The following NPAS2 variants were observed in gnomAD, a reference collection of about 807,000 sequenced individuals.
The protein encoded by NPAS2 is neuronal PAS domain protein 2.
A neutral mutation model predicts 107.5 loss-of-function variants in NPAS2; 23 were observed. The observed-to-expected ratio is 0.21, with a 90% CI of 0.15 to 0.30. NPAS2 has a LOEUF of 0.30. NPAS2 is among the 10% of genes least tolerant of loss of function. The pLI, the probability that NPAS2 is intolerant of heterozygous loss-of-function variation, is 1.00. For synonymous variants in NPAS2, 403 were observed against 417.5 expected (o/e 0.97, Z 0.42); for missense variants, 756 against 1,043.3 (o/e 0.72, Z 3.79).
chr2:100,847,509 A>G (rs924668392), intron 1 of NPAS2, among the ~76,000 whole-genome samples: 8 of 151,962 alleles, frequency 5.3e-5, no homozygotes, highest in Non-Finnish European at 1.0e-4. Context: ...AGCTGGGACT[A>G]TAGGCACCCA....
intron 1 of NPAS2, among the ~76,000 whole-genome samples, chr2:100,895,362 C>T (rs1413241384): frequency 6.6e-6 from 1 of 152,240 alleles, no homozygotes; most frequent in African/African-American, 2.4e-5. Flanking sequence ...CTCTTCTGTT[C>T]TCTCACTTTG....
At chr2:100,909,781 A>C (rs751036624) in intron 2 of NPAS2, among the ~76,000 whole-genome samples, 12 of 151,952 alleles carry the variant, frequency 7.9e-5, no homozygotes, top group Non-Finnish European at 1.8e-4. Flanking sequence ...GCATTGTGAG[A>C]ACGCAGGAGG....
At chr2:100,940,475 T>C (rs914842055) in intron 5 of NPAS2, among the ~76,000 whole-genome samples, 1 of 152,222 alleles carries the variant, frequency 6.6e-6, no homozygotes, top group Non-Finnish European at 1.5e-5. Flanking sequence ...TGCAATTTTG[T>C]TGAGAGATTT....
chr2:100,852,124 C>G (rs185927460), intron 1 of NPAS2, among the ~76,000 whole-genome samples: 1 of 152,124 alleles, frequency 6.6e-6, no homozygotes, highest in Admixed American at 6.5e-5. Context: ...TGGCCGGGCA[C>G]GGTGGCTCCT....
At chr2:100,963,025 T>C (rs12619710) in intron 7 of NPAS2, among the ~76,000 whole-genome samples, 58,880 of 152,196 alleles carry the variant, frequency 0.39, 13,906 homozygotes, top group East Asian at 0.76. Flanking sequence ...TTTGAGAAGA[T>C]GTAAGAAGAT....
At chr2:100,974,402 CCAAAGG>C (rs1222372609) in intron 12 of NPAS2, among the ~76,000 whole-genome samples, 1 of 152,256 alleles carries the variant, frequency 6.6e-6, no homozygotes, top group East Asian at 1.9e-4. Flanking sequence ...CCAGGAAGGT[CCAAAGG>C]CACCTGTCCC....
chr2:100,913,893 C>G (rs1008957133), intron 2 of NPAS2, among the ~76,000 whole-genome samples: 1 of 152,172 alleles, frequency 6.6e-6, no homozygotes, highest in Admixed American at 6.5e-5. Flanking sequence ...TCTCTCCCAG[C>G]AGGATGGGAA....
chr2:100,836,614 C>T (rs529771100), intron 1 of NPAS2, among the ~76,000 whole-genome samples: 2 of 152,252 alleles, frequency 1.3e-5, no homozygotes, highest in Admixed American at 6.5e-5. Flanking sequence ...GGGGTGCCTC[C>T]GAGTTCCCAT....
chr2:100,931,483 C>CTTT (rs10709889), intron 3 of NPAS2, among the ~76,000 whole-genome samples: 5 of 81,320 alleles, frequency 6.1e-5, no homozygotes, highest in East Asian at 6.2e-4. Flanking sequence ...TAACTCAGCT[C>CTTT]TTTTTTTTTT....
At chr2:100,938,252 G>GGGCTTACT (rs1348141141) in intron 5 of NPAS2, among the ~76,000 whole-genome samples, 1 of 152,182 alleles carries the variant, frequency 6.6e-6, no homozygotes, top group Non-Finnish European at 1.5e-5. Context: ...ACACGGTTTG[G>GGGCTTACT]GGCTTACTTG....
chr2:100,872,070 A>G (rs1355805155), intron 1 of NPAS2, among the ~76,000 whole-genome samples: 8 of 152,244 alleles, frequency 5.3e-5, no homozygotes, highest in Non-Finnish European at 1.2e-4. Flanking sequence ...TAATGGCACT[A>G]GAGGAGTTCT....
intron 2 of NPAS2, among the ~76,000 whole-genome samples, chr2:100,913,085 C>T (rs1453904746): frequency 1.3e-5 from 2 of 152,150 alleles, no homozygotes; most frequent in African/African-American, 2.4e-5. Flanking sequence ...TTCTTCCCTC[C>T]ACCTCTCTTC....
chr2:100,877,413 C>T (rs1489973901), intron 1 of NPAS2, among the ~76,000 whole-genome samples: 8 of 119,304 alleles, frequency 6.7e-5, no homozygotes, highest in Non-Finnish European at 1.3e-4. Context: ...TGCAGTGAGC[C>T]GAGATCGCGC....
At chr2:100,874,699 A>G (rs1449592932) in intron 1 of NPAS2, among the ~76,000 whole-genome samples, 1 of 152,128 alleles carries the variant, frequency 6.6e-6, no homozygotes, top group Non-Finnish European at 1.5e-5. Flanking sequence ...CTGAGATCAC[A>G]CCATTGCACT....
At chr2:100,977,179 A>G (rs1421714391) in intron 14 of NPAS2, 1 of 158,062 alleles carries the variant, frequency 6.3e-6, no homozygotes, top group Non-Finnish European at 1.4e-5. Context: ...GGAGTCTCTT[A>G]AAAGGTTCTG....
intron 8 of NPAS2, among the ~76,000 whole-genome samples, chr2:100,964,542 G>A (rs942230671): frequency 1.1e-4 from 16 of 152,176 alleles, no homozygotes; most frequent in African/African-American, 2.7e-4. Context: ...CTTCAACATC[G>A]ATGGCATGAA....
intron 1 of NPAS2, chr2:100,901,386 A>G: frequency 4.9e-6 from 1 of 202,270 alleles, no homozygotes; most frequent in Non-Finnish European, 8.8e-6. Flanking sequence ...GTCAGTTGCT[A>G]GGTGCAGATG....
In NPAS2 at chr2:100,895,401, A is replaced by G. The variant is rs143496282; in HGVS notation, c.-22-9332A>G. 2.1e-3 allele frequency among the ~76,000 whole-genome samples: 315 copies of G among 152,308 alleles called. 3 individuals are homozygous for G. Among genetic ancestry groups the G allele is most frequent in the African/African-American group, 7.4e-3 (308 of 41,564 alleles). ...TTGGGGAGCTAGGGCTGGGAGCATC[A>G]CACTTGTCCAAGGTTATACAGAGAT... On this transcript the variant is annotated intron_variant, in intron 1 of 20. Coordinates refer to ENST00000335681, the MANE Select transcript of NPAS2 (RefSeq NM_002518.4).
intron 3 of NPAS2, among the ~76,000 whole-genome samples, chr2:100,925,504 A>G (rs1466548998): frequency 6.6e-6 from 1 of 152,134 alleles, no homozygotes. Context: ...ATTGCATTAT[A>G]AGCCAGACGA....
Sources: allele counts gnomAD v4.1 joint callset (sites outside exome capture counted in the v4.1 genomes callset), GRCh38; gene constraint gnomAD v4.1.1; transcripts MANE v1.5; gene names NCBI Gene and HGNC (gene_info 2026-07-23, HGNC 2026-07-21).